TRNAU1AP: variants seen among roughly 807,000 people sequenced by gnomAD.
TRNAU1AP encodes tRNA selenocysteine 1-associated protein 1.
Under a neutral mutation model 43.3 loss-of-function variants are expected in TRNAU1AP, and 33 were observed. The observed-to-expected ratio is 0.76, with a 90% confidence interval of 0.58 to 1.02. TRNAU1AP has a LOEUF of 1.02. Among genes scored for constraint, TRNAU1AP ranks in the 50% least tolerant of loss-of-function variants. The pLI is 0.00. For synonymous variants in TRNAU1AP, 143 were observed against 129.1 expected (o/e 1.11, Z -0.73); for missense variants, 290 against 362.7 (o/e 0.80, Z 1.63).
chr1:28,571,268 GC>G lies in TRNAU1AP; in HGVS notation c.624del (p.Tyr209MetfsTer42). 1 of 1,614,026 alleles carries G rather than the reference GC, an allele frequency of 6.2e-7. No homozygotes were observed. The highest frequency in any genetic ancestry group is 8.5e-7 in the Non-Finnish European group (1 of 1,179,944). On this transcript the variant is annotated frameshift_variant, in exon 7 of 9. Coordinates refer to ENST00000373830, the MANE Select transcript of TRNAU1AP (RefSeq NM_017846.5). LOFTEE classifies it high-confidence loss of function. ...TACCAGAACTACTATGCTCAGTGGG[GC>G]TATGACCAGAACACAGGCAGCTACA... ...QQYQNYYAQW[G>X]YDQNTGSYSY...
chr1:28,574,386 C>A (rs1233811751), intron 8 of TRNAU1AP, among the ~76,000 whole-genome samples: 1 of 151,976 alleles, frequency 6.6e-6, no homozygotes, highest in Admixed American at 6.6e-5. Context: ...CTGTGCCCGG[C>A]CAAGTATTTA....
intron 2 of TRNAU1AP, among the ~76,000 whole-genome samples, chr1:28,558,215 ATTTTTTT>A (rs1187371829): frequency 9.0e-6 from 1 of 110,584 alleles, no homozygotes; most frequent in Non-Finnish European, 1.8e-5. Flanking sequence ...TAATTTTTGT[ATTTTTTT>A]TTTTTTTTTT....
Position 28,577,714 on chromosome 1 carries a change from G to A in TRNAU1AP, c.*78G>A. ...TTTTTAAAAATTGTGAAACCTTTTT[G>A]GAAATATGATTTGTAAGATTTTAAT... On this transcript the variant is annotated 3_prime_UTR_variant, in exon 9 of 9. Coordinates refer to ENST00000373830, the MANE Select transcript of TRNAU1AP (RefSeq NM_017846.5). 7.0e-7 allele frequency: 1 copy of A among 1,432,182 alleles called. No homozygotes were observed. The highest frequency in any genetic ancestry group is 9.5e-7 in the Non-Finnish European group (1 of 1,054,242). The allele number at this position is 1,432,182 out of a possible 1,614,324, so 88.7% of individuals were successfully genotyped here. A position where few individuals can be genotyped will look rare whatever the true frequency, so the allele number is the denominator to read the frequency against.
intron 8 of TRNAU1AP, among the ~76,000 whole-genome samples, chr1:28,576,626 T>A (rs1464271930): frequency 7.0e-6 from 1 of 143,372 alleles, no homozygotes; most frequent in Admixed American, 7.1e-5. Flanking sequence ...CGAGACGGGG[T>A]TTTGCTCTTG....
Position 28,553,678 on chromosome 1 carries a change from C to T in TRNAU1AP, c.66C>T (p.Ala22=). The T allele has an allele frequency of 1.2e-6, 2 of 1,614,162 alleles. No individual in the cohort carries two copies. Among genetic ancestry groups the T allele is most frequent in the Non-Finnish European group, 8.5e-7 (1 of 1,180,030 alleles). ...PYMDENFISR[A]FATMGETVMS... The stretch of plus-strand genomic sequence containing the variant: ...TGGATGAGAACTTCATCTCCAGAGC[C>T]TTTGCCACCATGGGGGAGACCGTAA... Residue 22 remains alanine (A), a synonymous_variant, in exon 2 of 9, where the codon GCC becomes GCT. Transcript: ENST00000373830.
intron 2 of TRNAU1AP, among the ~76,000 whole-genome samples, chr1:28,556,766 C>T (rs893431564): frequency 5.3e-5 from 8 of 152,030 alleles, no homozygotes; most frequent in Non-Finnish European, 1.2e-4. Flanking sequence ...TCACTGCAAC[C>T]TCTGCCTCCC....
Position 28,578,255 on chromosome 1 carries a change from A to T in TRNAU1AP, c.*619A>T, listed in dbSNP as rs1337529842. On this transcript the variant is annotated 3_prime_UTR_variant, in exon 9 of 9. Coordinates refer to ENST00000373830, the MANE Select transcript of TRNAU1AP (RefSeq NM_017846.5). ...TAGGATCAATATTTTGACACGGGAG[A>T]AGGCAGCTCAGAAAGGATTAAGGAA... 1.3e-5 allele frequency: 2 copies of T among 159,610 alleles called. No homozygotes were observed. The highest frequency in any genetic ancestry group is 4.8e-5 in the African/African-American group (2 of 41,466). The allele number at this position is 159,610 out of a possible 1,614,324, so 9.9% of individuals were successfully genotyped here. A position where few individuals can be genotyped will look rare whatever the true frequency, so the allele number is the denominator to read the frequency against.
intron 2 of TRNAU1AP, 70 bp downstream of exon 2, chr1:28,553,807 T>A: frequency 7.4e-7 from 1 of 1,360,158 alleles, no homozygotes; most frequent in Non-Finnish European, 1.0e-6. Context: ...GTAAACATCG[T>A]AGTCATGGCT....
intron 8 of TRNAU1AP, among the ~76,000 whole-genome samples, chr1:28,573,878 G>A (rs1291953306): frequency 2.0e-5 from 3 of 151,786 alleles, no homozygotes; most frequent in Admixed American, 6.6e-5. Flanking sequence ...TGGAGGTTTC[G>A]GTGAGCCAAG....
intron 2 of TRNAU1AP, among the ~76,000 whole-genome samples, chr1:28,556,509 C>CTTTT (rs1158772133): frequency 2.3e-5 from 3 of 129,894 alleles, no homozygotes; most frequent in Non-Finnish European, 5.0e-5. Flanking sequence ...ACATTTTAAT[C>CTTTT]TTTTTTTTTT....
rs1390843262 is a variant in TRNAU1AP, at chr1:28,558,970, A to T, written c.126-1663A>T. On this transcript the variant is annotated intron_variant, in intron 2 of 8. Coordinates refer to ENST00000373830, the MANE Select transcript of TRNAU1AP (RefSeq NM_017846.5). ...AGCAGGTCTACATTTAAATTTTTAT[A>T]ATTGTCCCCACAATATTGATAGTTT... is the stretch of plus-strand genomic sequence containing the variant. 2.0e-5 allele frequency among the ~76,000 whole-genome samples: 3 copies of T among 152,264 alleles called. No individual in the cohort carries two copies. The East Asian group carries it at 5.8e-4, about 29-fold the overall frequency.
Position 28,564,689 on chromosome 1 carries a change from TTCTC to T in TRNAU1AP, c.279-9_279-6del. On this transcript the variant is annotated splice_polypyrimidine_tract_variant and intron_variant, in intron 4 of 8. Transcript: ENST00000373830. ...TGGTCTTTGCCTCTGAATCTTCTTG[TTCTC>T]TCTCCTCAGCCCTGAGTATTCCCTC... 6.2e-7 allele frequency: 1 copy of T among 1,606,604 alleles called. No homozygotes were observed. Among genetic ancestry groups the T allele is most frequent in the Non-Finnish European group, 8.5e-7 (1 of 1,176,828 alleles).
At chr1:28,561,460 T>A (rs1053884411) in intron 4 of TRNAU1AP, 62 bp downstream of exon 4, 5 of 1,598,756 alleles carry the variant, frequency 3.1e-6, no homozygotes, top group Non-Finnish European at 4.3e-6. Context: ...CACTGCCATA[T>A]AGGAGGAGGG....
chr1:28,553,828 C>G (rs946183844), intron 2 of TRNAU1AP, 91 bp downstream of exon 2: 17 of 1,101,908 alleles, frequency 1.5e-5, no homozygotes, highest in Non-Finnish European at 2.3e-5. Flanking sequence ...TCTCACTACC[C>G]CTAGTAATAG....
At position 28,577,843 on chromosome 1, in the gene TRNAU1AP, T is replaced by C. The variant is rs566350459; in HGVS notation, c.*207T>C. 2 of 559,954 alleles carry C rather than the reference T, an allele frequency of 3.6e-6. No individual in the cohort carries two copies. Among genetic ancestry groups the C allele is most frequent in the South Asian group, 2.2e-5 (1 of 45,652 alleles). The allele number at this position is 559,954 out of a possible 1,614,324, so 34.7% of individuals were successfully genotyped here. A position where few individuals can be genotyped will look rare whatever the true frequency, so the allele number is the denominator to read the frequency against. ...GAACAACTTTTAAACAAGGTTCAAA[T>C]TGGTTTCCTTCACAGGAATCCTTTG... On this transcript the variant is annotated 3_prime_UTR_variant, in exon 9 of 9. Coordinates refer to ENST00000373830, the MANE Select transcript of TRNAU1AP (RefSeq NM_017846.5).
At chr1:28,556,117 G>C (rs1289634713) in intron 2 of TRNAU1AP, among the ~76,000 whole-genome samples, 1 of 151,988 alleles carries the variant, frequency 6.6e-6, no homozygotes, top group African/African-American at 2.4e-5. Flanking sequence ...CTCCCAAAGT[G>C]CTGGGATTAC....
In TRNAU1AP at chr1:28,577,568, G is replaced by A. The variant is rs1200858742; in HGVS notation, c.796G>A (p.Asp266Asn). Residue 266 changes from aspartate (D) to asparagine (N), a missense_variant, in exon 9 of 9, where the codon GAC (aspartate) becomes AAC (asparagine). By Grantham distance (23) the Asp-to-Asn change is conservative. Around this residue, in one of 3 missense-constraint regions of TRNAU1AP, gnomAD observed 57 missense variants for 55.1 expected, o/e 1.03. Transcript: ENST00000373830. ...CATGGAACAGAGTGAGGAGCTGTAT[G>A]ACGCTCTGATGGACTGTCACTGGCA... ...EFMEQSEELY[D>N]ALMDCHWQPL... The A allele has an allele frequency of 3.1e-6, 5 of 1,614,170 alleles. No individual in the cohort carries two copies. The East Asian group carries it at 8.9e-5, about 29-fold the overall frequency.
In TRNAU1AP at chr1:28,553,126, T is replaced by C. The variant is rs775461636; in HGVS notation, c.16T>C (p.Trp6Arg). 3.3e-6 allele frequency: 5 copies of C among 1,519,872 alleles called. No individual in the cohort carries two copies. Among genetic ancestry groups the C allele is most frequent in the African/African-American group, 2.8e-5 (2 of 70,622 alleles). 94.1% of individuals were successfully genotyped at this position (1,519,872 alleles called of 1,614,324 possible). A position where few individuals can be genotyped will look rare whatever the true frequency, so the allele number is the denominator to read the frequency against. Reference protein sequence around the residue: MAASLWMGDLEPYMDE... With the variant: MAASLRMGDLEPYMDE... ...GTGCGCGGGTATGGCGGCCAGCCTG[T>C]GGATGGGCGACGTGAGTGAGGGCAG... The change falls in exon 1 of 9, where the codon TGG becomes CGG. Residue 6 changes from tryptophan (W) to arginine (R), a missense_variant. By Grantham distance (101) the Trp-to-Arg change is moderately radical. Coordinates refer to ENST00000373830, the MANE Select transcript of TRNAU1AP (RefSeq NM_017846.5).
chr1:28,577,863 C>T lies in TRNAU1AP; in HGVS notation c.*227C>T. On this transcript the variant is annotated 3_prime_UTR_variant, in exon 9 of 9. Transcript: ENST00000373830. ...TCAAATTGGTTTCCTTCACAGGAAT[C>T]CTTTGTCCAGGTAGTTATCCACATA... The T allele has an allele frequency of 2.0e-6, 1 of 501,306 alleles. No individual in the cohort carries two copies. The highest frequency in any genetic ancestry group is 3.5e-6 in the Non-Finnish European group (1 of 282,548). The allele number at this position is 501,306 out of a possible 1,614,324, so 31.1% of individuals were successfully genotyped here. A position where few individuals can be genotyped will look rare whatever the true frequency, so the allele number is the denominator to read the frequency against.
Sources: allele counts gnomAD v4.1 joint callset (sites outside exome capture counted in the v4.1 genomes callset), GRCh38; gene constraint gnomAD v4.1.1; regional missense constraint gnomAD v4.1.1; transcripts MANE v1.5; gene names NCBI Gene and HGNC (gene_info 2026-07-23, HGNC 2026-07-21).